PBX3: variants seen among roughly 807,000 people sequenced by gnomAD.
The protein encoded by PBX3 is PBX homeobox 3.
PBX3 carries 14 observed loss-of-function variants against 48.5 expected under a neutral mutation model. That is an observed-to-expected ratio of 0.29 (90% CI 0.19 to 0.45). The LOEUF is 0.45. Ranked by LOEUF, PBX3 falls within the 20% of genes least tolerant of loss-of-function variation. The pLI, the probability that PBX3 is intolerant of heterozygous loss-of-function variation, is 1.00. For missense variants in PBX3, 386 were observed against 546.7 expected, an observed-to-expected ratio of 0.71 and a Z score of 2.93; for synonymous variants, 210 against 200.3, an observed-to-expected ratio of 1.05 and a Z score of -0.41.
intron 1 of PBX3, among the ~76,000 whole-genome samples, chr9:125,748,006 G>C (rs188476881): frequency 0.039 from 5,898 of 151,820 alleles, 405 homozygotes; most frequent in African/African-American, 0.13. Flanking sequence ...CTCCTCCGGC[G>C]GGGAGTCCCG....
At chr9:125,960,609 G>T in intron 5 of PBX3, 75 bp from the exon 6 acceptor site, 1 of 1,349,316 alleles carries the variant, frequency 7.4e-7, no homozygotes, top group South Asian at 1.3e-5. Flanking sequence ...TTGCCTTGGT[G>T]TCCAGCAGGT....
intron 4 of PBX3, among the ~76,000 whole-genome samples, chr9:125,934,506 C>T (rs1194667196): frequency 6.6e-6 from 1 of 151,912 alleles, no homozygotes; most frequent in East Asian, 1.9e-4. Context: ...ATAACAAAAC[C>T]CAAATATAAA....
In PBX3 at chr9:125,928,016, A is replaced by G. The variant is rs1841617863; in HGVS notation, c.517-1639A>G. ...GGCAACATGGTGAAACCCCATCTCTACTAAAATACAAAAGAAATTAGCCGG... is the reference window on the plus strand; with the variant it reads ...GGCAACATGGTGAAACCCCATCTCTGCTAAAATACAAAAGAAATTAGCCGG... On this transcript the variant is annotated intron_variant, in intron 3 of 8. Coordinates refer to ENST00000373489, the MANE Select transcript of PBX3 (RefSeq NM_006195.6). 2.6e-5 allele frequency among the ~76,000 whole-genome samples: 4 copies of G among 152,132 alleles called. No homozygotes were observed. In the South Asian group the frequency reaches 8.3e-4, roughly 32 times the overall value.
At chr9:125,804,845 G>A (rs1838071390) in intron 2 of PBX3, among the ~76,000 whole-genome samples, 1 of 151,954 alleles carries the variant, frequency 6.6e-6, no homozygotes, top group African/African-American at 2.4e-5. Flanking sequence ...TACTCGGGCG[G>A]CTGAGGCAGG....
intron 2 of PBX3, among the ~76,000 whole-genome samples, chr9:125,901,804 CTG>C (rs750386206): frequency 2.0e-5 from 3 of 151,646 alleles, no homozygotes; most frequent in Non-Finnish European, 3.0e-5. Flanking sequence ...ACCTGGTGGA[CTG>C]TTTATAATGT....
rs145934358 is a variant in PBX3 at position 125,761,705 on chromosome 9, TG to T, written c.274+13083del. Among the ~76,000 whole-genome samples, 10 of 152,290 alleles carry T rather than the reference TG, an allele frequency of 6.6e-5. No individual in the cohort carries two copies. The East Asian group carries it at 1.9e-3, about 29-fold the overall frequency. On this transcript the variant is annotated intron_variant, in intron 2 of 8. Transcript: ENST00000373489. The stretch of plus-strand genomic sequence containing the variant: ...GATACTAAGAACAGGCAGCACTATG[TG>T]TTTTTAGGAAACTTGCTAAGTAAAT...
chr9:125,934,766 G>T (rs956256093), intron 4 of PBX3, among the ~76,000 whole-genome samples: 9 of 151,630 alleles, frequency 5.9e-5, no homozygotes, highest in African/African-American at 2.2e-4. Context: ...ACATCATCAG[G>T]TCCTATTGCT....
At chr9:125,789,127 G>A (rs139037642) in intron 2 of PBX3, among the ~76,000 whole-genome samples, 34 of 152,128 alleles carry the variant, frequency 2.2e-4, no homozygotes, top group Non-Finnish European at 4.3e-4. Context: ...CTGCTGTATC[G>A]TATTCTATTG....
intron 2 of PBX3, among the ~76,000 whole-genome samples, chr9:125,877,128 C>T (rs563710204): frequency 2.0e-5 from 3 of 152,208 alleles, no homozygotes; most frequent in East Asian, 1.9e-4. Context: ...CAGTGTCATG[C>T]ACAATTTCTC....
chr9:125,822,771 C>T (rs1360438281), intron 2 of PBX3, among the ~76,000 whole-genome samples: 1 of 152,042 alleles, frequency 6.6e-6, no homozygotes, highest in African/African-American at 2.4e-5. Context: ...TACATTAATA[C>T]AGGGTATCTC....
intron 2 of PBX3, among the ~76,000 whole-genome samples, chr9:125,868,179 G>A (rs1022706700): frequency 4.1e-5 from 6 of 147,410 alleles, no homozygotes; most frequent in Admixed American, 4.1e-4. Flanking sequence ...CCAGACTGCA[G>A]TTTTTTTTTT....
intron 2 of PBX3, among the ~76,000 whole-genome samples, chr9:125,878,284 G>A (rs889226823): frequency 6.6e-6 from 1 of 152,220 alleles, no homozygotes; most frequent in African/African-American, 2.4e-5. Flanking sequence ...GGGGTAAGAG[G>A]AGTGTCTGAA....
intron 2 of PBX3, among the ~76,000 whole-genome samples, chr9:125,750,288 T>G (rs575314062): frequency 6.6e-6 from 1 of 152,228 alleles, no homozygotes; most frequent in Non-Finnish European, 1.5e-5. Context: ...TACTTATCGC[T>G]TCTCATCCCC....
intron 2 of PBX3, among the ~76,000 whole-genome samples, chr9:125,846,576 AG>A (rs1398187228): frequency 6.6e-6 from 1 of 152,056 alleles, no homozygotes; most frequent in Non-Finnish European, 1.5e-5. Flanking sequence ...CACAGAAGAC[AG>A]AATATTACAG....
At chr9:125,897,514 T>C (rs1248904815) in intron 2 of PBX3, among the ~76,000 whole-genome samples, 2 of 151,848 alleles carry the variant, frequency 1.3e-5, no homozygotes, top group African/African-American at 4.8e-5. Flanking sequence ...CCAATGTTAA[T>C]TACAATTTTT....
At chr9:125,865,495 A>G (rs1167451750) in intron 2 of PBX3, among the ~76,000 whole-genome samples, 3 of 152,224 alleles carry the variant, frequency 2.0e-5, no homozygotes, top group Admixed American at 6.5e-5. Flanking sequence ...GTTTCTTTCC[A>G]TAATAATTTC....
chr9:125,875,932 C>G (rs1840237111), intron 2 of PBX3, among the ~76,000 whole-genome samples: 1 of 152,160 alleles, frequency 6.6e-6, no homozygotes, highest in Non-Finnish European at 1.5e-5. Context: ...AAGACCTCAA[C>G]CCAGTTTCAA....
At chr9:125,777,015 C>T (rs55699522) in intron 2 of PBX3, among the ~76,000 whole-genome samples, 2,444 of 145,648 alleles carry the variant, frequency 0.017, 128 homozygotes, top group East Asian at 0.16. Flanking sequence ...CTTTTCTTTT[C>T]TTTTTTTTTT....
rs150248809 is a variant in PBX3 at position 125,894,018 on chromosome 9, A to G, written c.275-21668A>G. On this transcript the variant is annotated intron_variant, in intron 2 of 8. Coordinates refer to ENST00000373489, the MANE Select transcript of PBX3 (RefSeq NM_006195.6). ...TGTTTTTAAGCTCACAGTTTTTGTT[A>G]CCTGTTTCTATTATATATCACCATG... Among the ~76,000 whole-genome samples, 46 of 152,270 alleles carry G rather than the reference A, an allele frequency of 3.0e-4. 1 individual carries two copies. The East Asian group carries it at 8.1e-3, about 27-fold the overall frequency.
Sources: allele counts gnomAD v4.1 joint callset (sites outside exome capture counted in the v4.1 genomes callset), GRCh38; gene constraint gnomAD v4.1.1; transcripts MANE v1.5; gene names NCBI Gene and HGNC (gene_info 2026-07-23, HGNC 2026-07-21).